The following ITFG1 variants were observed in gnomAD, a reference collection of about 807,000 sequenced individuals.
ITFG1 encodes the protein integrin alpha FG-GAP repeat containing 1.
ITFG1 carries 34 observed loss-of-function variants against 81.8 expected under a neutral mutation model. That is an observed-to-expected ratio of 0.42 (90% CI 0.32 to 0.55). ITFG1 has a LOEUF of 0.55. ITFG1 is among the 20% of genes least tolerant of loss of function. The pLI is 0.17. For synonymous variants in ITFG1, 285 were observed against 270.6 expected (o/e 1.05, Z -0.52); for missense variants, 672 against 755.4 (o/e 0.89, Z 1.29).
intron 3 of ITFG1, 102 bp downstream of exon 3, chr16:47,453,911 A>T: frequency 1.4e-6 from 1 of 739,690 alleles, no homozygotes; most frequent in South Asian, 2.1e-5. Context: ...ACAATTATTG[A>T]CACCCAAGAA....
chr16:47,378,811 T>C (rs1356286514), intron 6 of ITFG1, among the ~76,000 whole-genome samples: 1 of 152,134 alleles, frequency 6.6e-6, no homozygotes, highest in Non-Finnish European at 1.5e-5. Flanking sequence ...CCTCAGACTT[T>C]GAATGAAATG....
chr16:47,398,766 C>T (rs1328958743), intron 6 of ITFG1, among the ~76,000 whole-genome samples: 1 of 152,188 alleles, frequency 6.6e-6, no homozygotes, highest in African/African-American at 2.4e-5. Flanking sequence ...GTCACTTATT[C>T]CTTCTCTAGT....
At chr16:47,321,717 G>A (rs1967451184) in intron 8 of ITFG1, among the ~76,000 whole-genome samples, 5 of 151,990 alleles carry the variant, frequency 3.3e-5, no homozygotes, top group Admixed American at 3.3e-4. Flanking sequence ...CATACACAAT[G>A]CTACATTTTT....
chr16:47,366,636 A>G (rs1968181210), intron 7 of ITFG1, among the ~76,000 whole-genome samples: 1 of 152,258 alleles, frequency 6.6e-6, no homozygotes. Context: ...AAGAAATCAA[A>G]ACAATGAATT....
chr16:47,245,755 A>G (rs1596832455), intron 12 of ITFG1, among the ~76,000 whole-genome samples: 1 of 152,104 alleles, frequency 6.6e-6, no homozygotes, highest in African/African-American at 2.4e-5. Context: ...GAACACATGA[A>G]TTTTCTTTTA....
chr16:47,182,415 T>C (rs1268320025), intron 14 of ITFG1, among the ~76,000 whole-genome samples: 1 of 151,994 alleles, frequency 6.6e-6, no homozygotes, highest in African/African-American at 2.4e-5. Flanking sequence ...TATGGTATTA[T>C]GGGAAACACA....
Position 47,420,594 on chromosome 16 carries a change from T to C in ITFG1, c.655+8210A>G, listed in dbSNP as rs180874305. ...CTTGGTGCCATCCTCACGGTAATGA[T>C]TGAGTTCTGTATTAATTTCCATAAA... On this transcript the variant is annotated intron_variant, in intron 6 of 17. Transcript: ENST00000320640. Among the ~76,000 whole-genome samples, 180 of 152,310 alleles carry C rather than the reference T, an allele frequency of 1.2e-3. 1 individual carries two copies. Among genetic ancestry groups the C allele is most frequent in the Non-Finnish European group, 1.7e-3 (119 of 68,012 alleles).
intron 5 of ITFG1, among the ~76,000 whole-genome samples, chr16:47,440,857 A>G (rs1442422307): frequency 6.6e-6 from 1 of 152,206 alleles, no homozygotes; most frequent in Non-Finnish European, 1.5e-5. Context: ...TGAAGGAGAC[A>G]GAGACACAAA....
At chr16:47,277,208 T>C (rs1437243660) in intron 10 of ITFG1, among the ~76,000 whole-genome samples, 2 of 152,222 alleles carry the variant, frequency 1.3e-5, no homozygotes, top group Non-Finnish European at 2.9e-5. Context: ...TCAAAAACAT[T>C]ATATTATCTT....
chr16:47,456,723 A>G (rs931207686), intron 2 of ITFG1, among the ~76,000 whole-genome samples: 1 of 151,870 alleles, frequency 6.6e-6, no homozygotes, highest in African/African-American at 2.4e-5. Context: ...GTGGGTAGAA[A>G]AACTTTTTGG....
intron 17 of ITFG1, 46 bp downstream of exon 17, chr16:47,158,827 C>A: frequency 2.0e-6 from 2 of 984,966 alleles, no homozygotes; most frequent in Non-Finnish European, 1.6e-6. Context: ...GTATGTATTA[C>A]TAGAATAAAT....
chr16:47,424,323 C>T (rs1968991202), intron 6 of ITFG1, among the ~76,000 whole-genome samples: 1 of 152,182 alleles, frequency 6.6e-6, no homozygotes, highest in African/African-American at 2.4e-5. Flanking sequence ...TCTAGTTAGC[C>T]ATTCGCCTAA....
chr16:47,337,808 T>C (rs1967727625), intron 8 of ITFG1, among the ~76,000 whole-genome samples: 2 of 152,190 alleles, frequency 1.3e-5, no homozygotes, highest in South Asian at 4.1e-4. Flanking sequence ...GCAAGATGTG[T>C]GCTCAGAAAG....
At chr16:47,277,427 T>C (rs1966409129) in intron 10 of ITFG1, among the ~76,000 whole-genome samples, 1 of 152,170 alleles carries the variant, frequency 6.6e-6, no homozygotes, top group African/African-American at 2.4e-5. Context: ...AGGGTTTGCA[T>C]CCCACGAATA....
At chr16:47,409,387 T>TAC (rs1968772508) in intron 6 of ITFG1, among the ~76,000 whole-genome samples, 1 of 14,582 alleles carries the variant, frequency 6.9e-5, no homozygotes, top group Non-Finnish European at 1.4e-4. Context: ...TATATATATA[T>TAC]ATATATATAT....
chr16:47,230,995 G>A (rs900777209), intron 13 of ITFG1, among the ~76,000 whole-genome samples: 2 of 152,152 alleles, frequency 1.3e-5, no homozygotes, highest in Non-Finnish European at 2.9e-5. Context: ...TGATCTGCCC[G>A]CCTCAGCCTC....
At chr16:47,439,131 G>A (rs1265982410) in intron 5 of ITFG1, among the ~76,000 whole-genome samples, 2 of 152,134 alleles carry the variant, frequency 1.3e-5, no homozygotes, top group Non-Finnish European at 2.9e-5. Context: ...TAGAAGTTTA[G>A]AGAAAAAAGA....
At chr16:47,430,057 C>CTTTT (rs920966590) in intron 5 of ITFG1, among the ~76,000 whole-genome samples, 1 of 122,018 alleles carries the variant, frequency 8.2e-6, no homozygotes, top group Non-Finnish European at 1.8e-5. Flanking sequence ...TTTTACTTTT[C>CTTTT]TTTTTTTTTT....
At chr16:47,391,165 G>T (rs574040514) in intron 6 of ITFG1, among the ~76,000 whole-genome samples, 1 of 152,146 alleles carries the variant, frequency 6.6e-6, no homozygotes, top group African/African-American at 2.4e-5. Flanking sequence ...ACATGGCAGA[G>T]AACTTCAGAT....
Sources: allele counts gnomAD v4.1 joint callset (sites outside exome capture counted in the v4.1 genomes callset), GRCh38; gene constraint gnomAD v4.1.1; transcripts MANE v1.5; gene names NCBI Gene and HGNC (gene_info 2026-07-23, HGNC 2026-07-21).